CIMIP3: variants seen among roughly 807,000 people sequenced by gnomAD.
The protein encoded by CIMIP3 is ciliary microtubule inner protein 3.
the CIMIP3 span, among the ~76,000 whole-genome samples, chr6:42,157,308 C>T: frequency 6.6e-6 from 1 of 152,098 alleles, no homozygotes; most frequent in Non-Finnish European, 1.5e-5. Flanking sequence ...CTCAGCTCCC[C>T]GTAACCTCCT....
At chr6:42,161,857 G>C in the CIMIP3 span, among the ~76,000 whole-genome samples, 2 of 152,132 alleles carry the variant, frequency 1.3e-5, no homozygotes, top group African/African-American at 4.8e-5. Flanking sequence ...TTTGGAGGCT[G>C]TTATGTCAAG....
chr6:42,156,674 ACC>A, the CIMIP3 span, among the ~76,000 whole-genome samples: 12 of 152,328 alleles, frequency 7.9e-5, no homozygotes, highest in African/African-American at 2.9e-4. Context: ...CTGTGCCTTT[ACC>A]GTTCCCAGCA....
chr6:42,159,402 G>A, the CIMIP3 span, among the ~76,000 whole-genome samples: 1 of 152,328 alleles, frequency 6.6e-6, no homozygotes, highest in South Asian at 2.1e-4. Flanking sequence ...GCATCCAAGA[G>A]GTGCCCAGGA....
chr6:42,162,941 C>G, the CIMIP3 span: 3 of 679,774 alleles, frequency 4.4e-6, no homozygotes, highest in Non-Finnish European at 2.7e-6. Context: ...ACCCTCTGTA[C>G]CCAGTCATGG....
At chr6:42,161,533 G>A in the CIMIP3 span, among the ~76,000 whole-genome samples, 6 of 152,168 alleles carry the variant, frequency 3.9e-5, no homozygotes, top group East Asian at 1.2e-3. Flanking sequence ...AGGTGAACAG[G>A]ATAGCTTGGT....
chr6:42,155,808 AAAT>A, the CIMIP3 span, among the ~76,000 whole-genome samples: 1 of 152,208 alleles, frequency 6.6e-6, no homozygotes, highest in Non-Finnish European at 1.5e-5. Context: ...AACTTGAGAT[AAAT>A]AATAATTGTA....
chr6:42,156,581 G>A, the CIMIP3 span, among the ~76,000 whole-genome samples: 6 of 152,156 alleles, frequency 3.9e-5, no homozygotes, highest in African/African-American at 1.2e-4. Flanking sequence ...AAAGGGAAAC[G>A]TGCTCTCCTA....
At chr6:42,157,514 T>C in the CIMIP3 span, among the ~76,000 whole-genome samples, 5,131 of 152,002 alleles carry the variant, frequency 0.034, 141 homozygotes, top group South Asian at 0.062. Flanking sequence ...CCTCCCAATG[T>C]GCTGGGATTA....
the CIMIP3 span, among the ~76,000 whole-genome samples, chr6:42,162,032 G>A: frequency 6.6e-6 from 1 of 150,708 alleles, no homozygotes; most frequent in African/African-American, 2.4e-5. Flanking sequence ...GGTAGACTGT[G>A]TGGCTGAAAT....
the CIMIP3 span, among the ~76,000 whole-genome samples, chr6:42,161,275 A>G: frequency 6.6e-6 from 1 of 152,216 alleles, no homozygotes; most frequent in Non-Finnish European, 1.5e-5. Flanking sequence ...CAGGAGCTCA[A>G]CTTCCACTAA....
the CIMIP3 span, chr6:42,155,431 A>C: frequency 1.5e-6 from 1 of 663,492 alleles, no homozygotes; most frequent in East Asian, 2.7e-5. Flanking sequence ...GTCCTCCCTG[A>C]CCACCAGAAG....
chr6:42,162,476 G>C, the CIMIP3 span, among the ~76,000 whole-genome samples: 2 of 151,184 alleles, frequency 1.3e-5, no homozygotes, highest in African/African-American at 4.9e-5. Flanking sequence ...CAAGTAGGAG[G>C]GTGGGAGACA....
the CIMIP3 span, among the ~76,000 whole-genome samples, chr6:42,160,327 C>T: frequency 6.6e-6 from 1 of 152,166 alleles, no homozygotes; most frequent in South Asian, 2.1e-4. Context: ...CAGTTCATTT[C>T]CAGTGCTTGC....
the CIMIP3 span, chr6:42,155,694 T>TGG: frequency 1.4e-6 from 1 of 711,288 alleles, no homozygotes; most frequent in Non-Finnish European, 2.6e-6. Context: ...TCTGGGGAGA[T>TGG]GGAGAGAGGG....
chr6:42,162,370 G>T, the CIMIP3 span, among the ~76,000 whole-genome samples: 1 of 151,138 alleles, frequency 6.6e-6, no homozygotes, highest in Non-Finnish European at 1.5e-5. Flanking sequence ...AGCCGAGATC[G>T]TGCCATTGTA....
the CIMIP3 span, among the ~76,000 whole-genome samples, chr6:42,158,430 G>A: frequency 1.3e-5 from 2 of 152,156 alleles, no homozygotes; most frequent in East Asian, 3.9e-4. Flanking sequence ...ATGTTCCGGG[G>A]ACCCTGGCTG....
chr6:42,162,090 CTTTTTTTTTTTT>C, the CIMIP3 span, among the ~76,000 whole-genome samples: 936 of 63,120 alleles, frequency 0.015, 25 homozygotes, highest in Middle Eastern at 0.025. Flanking sequence ...AAGCCACATT[CTTTTTTTTTTTT>C]TTTTTTTTTT....
chr6:42,163,309 A>G, the CIMIP3 span: 485 of 491,762 alleles, frequency 9.9e-4, 1 homozygote, highest in Middle Eastern at 6.1e-3. Flanking sequence ...TCAGGTCCCC[A>G]AGGGGAAGGG....
the CIMIP3 span, among the ~76,000 whole-genome samples, chr6:42,161,807 C>G: frequency 5.3e-5 from 8 of 152,264 alleles, no homozygotes; most frequent in South Asian, 1.7e-3. Context: ...ATCAAGCTTT[C>G]TCTAAATGCA....
Sources: gnomAD v4.1 joint callset for allele counts (sites outside exome capture counted in the v4.1 genomes callset) on GRCh38, gnomAD v4.1.1 for gene constraint, MANE v1.5 for transcripts, NCBI Gene and HGNC (gene_info 2026-07-23, HGNC 2026-07-21) for gene names.